LCA5L: variants seen among roughly 807,000 people sequenced by gnomAD.
LCA5L encodes the protein lebercilin LCA5 like.
In LCA5L, 35 loss-of-function variants were observed where a neutral mutation model predicts 45.4. The ratio of observed to expected loss-of-function variants is 0.77; its 90% CI spans 0.59 to 1.02. The LOEUF is 1.02. Ranked by LOEUF, LCA5L falls within the 50% of genes least tolerant of loss-of-function variation. The probability of loss-of-function intolerance (pLI) is 0.00; values close to 1 mark genes in which losing one functional copy is unlikely to be tolerated. For synonymous variants in LCA5L, 233 were observed against 264.7 expected (o/e 0.88, Z 1.16); for missense variants, 668 against 761.6 (o/e 0.88, Z 1.45).
chr21:39,437,577 A>G (rs1386889446), intron 2 of LCA5L, among the ~76,000 whole-genome samples: 1 of 152,032 alleles, frequency 6.6e-6, no homozygotes, highest in African/African-American at 2.4e-5. Context: ...CTCCCACCTC[A>G]GTCTCCCGGG....
At chr21:39,418,179 C>T (rs1601789395) in intron 7 of LCA5L, among the ~76,000 whole-genome samples, 1 of 152,162 alleles carries the variant, frequency 6.6e-6, no homozygotes, top group Non-Finnish European at 1.5e-5. Context: ...GGGTCCCTCC[C>T]CTGACATGTG....
At chr21:39,406,650 A>G in intron 10 of LCA5L, 38 bp from the exon 11 acceptor site, 1 of 1,465,400 alleles carries the variant, frequency 6.8e-7, no homozygotes, top group Non-Finnish European at 9.2e-7. Context: ...GCTGTTTAAA[A>G]TGAATGGATC....
intron 3 of LCA5L, 42 bp from the exon 4 acceptor site, chr21:39,429,253 G>A (rs1246422157): frequency 6.6e-6 from 1 of 152,182 alleles, no homozygotes; most frequent in African/African-American, 2.4e-5. Flanking sequence ...ACTGGCATTA[G>A]ATCCTTTGCA....
Position 39,409,602 on chromosome 21 carries a change from TA to T in LCA5L, c.1282+376del, listed in dbSNP as rs1365179788. Among the ~76,000 whole-genome samples, 3 of 152,028 alleles carry T rather than the reference TA, an allele frequency of 2.0e-5. No homozygotes were observed. Among genetic ancestry groups the T allele is most frequent in the African/African-American group, 2.4e-5 (1 of 41,404 alleles). On this transcript the variant is annotated intron_variant, in intron 10 of 10. Coordinates refer to ENST00000288350, the MANE Select transcript of LCA5L (RefSeq NM_152505.4). The surrounding 1 kb of genome is among the most constrained non-coding windows in gnomAD (Gnocchi z 4.2). ...TGGAAACGGTTTTATGTTTTTTTTTTAATTTTTTGAGACAGAGTCTCACTCT... is the reference window on the plus strand; with the variant it reads ...TGGAAACGGTTTTATGTTTTTTTTTTATTTTTTGAGACAGAGTCTCACTCT...
intron 7 of LCA5L, among the ~76,000 whole-genome samples, chr21:39,417,040 A>G (rs1053787217): frequency 9.9e-5 from 15 of 151,856 alleles, no homozygotes; most frequent in Non-Finnish European, 1.8e-4. Context: ...ATAGCTTTTT[A>G]TTTTATTTTT....
rs1456856867 is a variant in LCA5L at position 39,428,596 on chromosome 21, ATATTTTTTTTTTTT to A, written c.-10-107_-10-94del. On this transcript the variant is annotated intron_variant, in intron 4 of 10. Transcript: ENST00000288350. ...CTTTATTTTATATATATATATATAT[ATATTTTTTTTTTTT>A]TTTTTTTTTTTTTTTTTTTAAAGAC... The A allele has an allele frequency of 6.3e-4, 21 of 33,462 alleles. 1 individual carries two copies. In the South Asian group the frequency reaches 0.022, roughly 35 times the overall value. The allele number at this position is 33,462 out of a possible 1,614,324, so 2.1% of individuals were successfully genotyped here.
At chr21:39,445,054 AT>A (rs2077307312) in intron 1 of LCA5L, among the ~76,000 whole-genome samples, 1 of 150,976 alleles carries the variant, frequency 6.6e-6, no homozygotes, top group African/African-American at 2.4e-5. Flanking sequence ...TCATCTAGGG[AT>A]TGAGTGTAGA....
At chr21:39,425,108 A>G (rs964936503) in intron 5 of LCA5L, among the ~76,000 whole-genome samples, 3 of 152,224 alleles carry the variant, frequency 2.0e-5, no homozygotes, top group Non-Finnish European at 4.4e-5. Flanking sequence ...ATGTATTCAT[A>G]TATCTAGATT....
chr21:39,418,794 C>T (rs1317360473), intron 7 of LCA5L, among the ~76,000 whole-genome samples: 5 of 152,200 alleles, frequency 3.3e-5, no homozygotes, highest in Non-Finnish European at 5.9e-5. Flanking sequence ...GCCACCATGC[C>T]TGGCCAGAAA....
chr21:39,413,368 C>T (rs1036836774), intron 7 of LCA5L, among the ~76,000 whole-genome samples: 4 of 152,216 alleles, frequency 2.6e-5, no homozygotes, highest in Non-Finnish European at 4.4e-5. Flanking sequence ...TTAGAAGAGA[C>T]TGAGACAAGC....
At chr21:39,410,938 G>T (rs896883371) in intron 8 of LCA5L, 2 of 470,916 alleles carry the variant, frequency 4.2e-6, no homozygotes, top group Non-Finnish European at 8.8e-6. Flanking sequence ...TAAAACAGAG[G>T]TGAGTATTCC....
chr21:39,422,539 T>C (rs542313191), intron 6 of LCA5L: 1 of 194,998 alleles, frequency 5.1e-6, no homozygotes, highest in African/African-American at 2.3e-5. Flanking sequence ...TGAGGGAGAA[T>C]ACAAAGGCCC....
At chr21:39,434,738 G>C (rs192254474) in intron 3 of LCA5L, among the ~76,000 whole-genome samples, 1 of 152,116 alleles carries the variant, frequency 6.6e-6, no homozygotes, top group Non-Finnish European at 1.5e-5. Context: ...GGCTGGTCTT[G>C]AACTCCTAGG....
intron 7 of LCA5L, among the ~76,000 whole-genome samples, chr21:39,412,990 A>G (rs373255254): frequency 5.6e-4 from 86 of 152,312 alleles, no homozygotes; most frequent in African/African-American, 2.0e-3. Flanking sequence ...AGGCTTTGCA[A>G]CAGAGAATCT....
Position 39,428,425 on chromosome 21 carries a change from A to G in LCA5L, c.69T>C (p.Asn23=), listed in dbSNP as rs771650741. Residue 23 remains asparagine (N), a synonymous_variant, in exon 5 of 11, where the codon AAT becomes AAC. Transcript: ENST00000288350. ...EHFFGVALEN[N]RRSAACKRSP... is the part of the protein sequence containing the mutation. ...TTCTCTTGCATGCTGCAGACCTCCT[A>G]TTGTTTTCTAATGCCACGCCGAAGA... The G allele has an allele frequency of 3.1e-6, 5 of 1,612,344 alleles. No homozygotes were observed. Among genetic ancestry groups the G allele is most frequent in the African/African-American group, 2.7e-5 (2 of 74,618 alleles).
chr21:39,406,326 A>C lies in LCA5L; in HGVS notation c.1569T>G (p.His523Gln). The change falls in exon 11 of 11, where the codon CAT becomes CAG. Residue 523 changes from histidine (H) to glutamine (Q), a missense_variant. His to Gln is a conservative substitution (Grantham distance 24). Coordinates refer to ENST00000288350, the MANE Select transcript of LCA5L (RefSeq NM_152505.4). ...TTTCAGTTGCTTCTGTGAATGAGTA[A>C]TGTCTTCTTTGTCTGAGGGGGCCTT... ...YTKGPLRQRR[H>Q]YSFTEATENL... The C allele has an allele frequency of 1.2e-6, 2 of 1,614,144 alleles. No homozygotes were observed. The highest frequency in any genetic ancestry group is 1.7e-6 in the Non-Finnish European group (2 of 1,180,012).
chr21:39,411,330 G>C (rs2040055669), intron 8 of LCA5L, among the ~76,000 whole-genome samples: 1 of 152,128 alleles, frequency 6.6e-6, no homozygotes, highest in Non-Finnish European at 1.5e-5. Context: ...AACCCACTGA[G>C]CTGCGTGCAC....
chr21:39,426,793 G>A (rs1436350051), intron 5 of LCA5L, among the ~76,000 whole-genome samples: 1 of 152,228 alleles, frequency 6.6e-6, no homozygotes, highest in African/African-American at 2.4e-5. Context: ...TTTTGATGGA[G>A]TCCAGGCATG....
chr21:39,415,569 C>T (rs1322770505), intron 7 of LCA5L, among the ~76,000 whole-genome samples: 3 of 152,184 alleles, frequency 2.0e-5, no homozygotes, highest in African/African-American at 4.8e-5. Context: ...TAAAACCTAA[C>T]TGCAGTATCT....
Sources: gnomAD v4.1 joint callset for allele counts (sites outside exome capture counted in the v4.1 genomes callset) on GRCh38, gnomAD v4.1.1 for gene constraint, Gnocchi (gnomAD v3.1) non-coding constraint, MANE v1.5 for transcripts, NCBI Gene and HGNC (gene_info 2026-07-23, HGNC 2026-07-21) for gene names.